Variants in NBAS observed in about 807,000 individuals in gnomAD.
NBAS encodes NAG/BC035112 fusion.
Under a neutral mutation model 302.5 loss-of-function variants are expected in NBAS, and 219 were observed. The observed-to-expected ratio is 0.72, with a 90% CI of 0.65 to 0.81. The LOEUF (loss-of-function observed/expected upper bound fraction) is 0.81. NBAS is among the 30% of genes least tolerant of loss of function. The pLI is 0.00. For synonymous variants in NBAS, 1,118 were observed against 1,021.6 expected (o/e 1.09, Z -1.80); for missense variants, 2,932 against 2,841.6 (o/e 1.03, Z -0.72).
chr2:15,252,122 T>C (rs1209215986), intron 44 of NBAS, among the ~76,000 whole-genome samples: 2 of 152,214 alleles, frequency 1.3e-5, no homozygotes, highest in African/African-American at 2.4e-5. Flanking sequence ...ATGGCTTGAT[T>C]CATAATTCAC....
chr2:15,323,309 C>T (rs1283234682), intron 38 of NBAS, among the ~76,000 whole-genome samples: 3 of 152,110 alleles, frequency 2.0e-5, no homozygotes, highest in African/African-American at 7.2e-5. Flanking sequence ...AAAATCCTCA[C>T]AGCTTTGAGG....
chr2:15,034,108 A>AAGAAGG, the NBAS span, among the ~76,000 whole-genome samples: 2 of 145,478 alleles, frequency 1.4e-5, no homozygotes, highest in African/African-American at 5.1e-5. Flanking sequence ...GGAGAAGGAG[A>AAGAAGG]AGAAGGAGAA....
chr2:14,864,775 C>T, the NBAS span, among the ~76,000 whole-genome samples: 8 of 152,002 alleles, frequency 5.3e-5, no homozygotes, highest in African/African-American at 1.9e-4. Flanking sequence ...AGCATCTGTA[C>T]AAAAGGGATA....
chr2:14,896,199 G>T, the NBAS span, among the ~76,000 whole-genome samples: 1 of 151,838 alleles, frequency 6.6e-6, no homozygotes, highest in East Asian at 1.9e-4. Flanking sequence ...TTTCCAGGGA[G>T]GCTCTTTAAC....
the NBAS span, among the ~76,000 whole-genome samples, chr2:14,793,458 G>A: frequency 6.6e-6 from 1 of 152,088 alleles, no homozygotes; most frequent in African/African-American, 2.4e-5. Flanking sequence ...GACAGAGTAT[G>A]ATAGATTCAG....
At chr2:15,024,081 G>A in the NBAS span, among the ~76,000 whole-genome samples, 1 of 152,014 alleles carries the variant, frequency 6.6e-6, no homozygotes, top group Non-Finnish European at 1.5e-5. Context: ...GATAGTCATA[G>A]TACCCAAGGG....
Position 15,218,707 on chromosome 2 carries a change from C to T in NBAS, c.6432+66G>A, listed in dbSNP as rs111581874. 3.5e-3 allele frequency: 5,654 copies of T among 1,604,516 alleles called. 120 individuals carry two copies. The African/African-American group carries it at 0.056, about 16-fold the overall frequency. Reference sequence around the variant, plus strand: ...CCTCCCACAATGCTGGGATTACAGGCGTGAGCAACCGCGTCCGGCCTAATT... The same window carrying T: ...CCTCCCACAATGCTGGGATTACAGGTGTGAGCAACCGCGTCCGGCCTAATT... On this transcript the variant is annotated intron_variant, in intron 48 of 51. Transcript: ENST00000281513.
At chr2:15,538,089 T>C (rs555489641) in intron 7 of NBAS, among the ~76,000 whole-genome samples, 195 of 152,368 alleles carry the variant, frequency 1.3e-3, no homozygotes, top group African/African-American at 4.4e-3. Flanking sequence ...TGATTACATG[T>C]TGAAATAATA....
the NBAS span, among the ~76,000 whole-genome samples, chr2:15,007,991 A>G: frequency 6.6e-6 from 1 of 152,256 alleles, no homozygotes; most frequent in Non-Finnish European, 1.5e-5. Flanking sequence ...ACAAAATAAC[A>G]TGACATAATT....
intron 27 of NBAS, 30 bp downstream of exon 27, chr2:15,396,383 G>GA: frequency 6.5e-7 from 1 of 1,539,564 alleles, no homozygotes; most frequent in African/African-American, 1.4e-5. Flanking sequence ...AATAAGCATG[G>GA]AGAAAAAAAA....
At chr2:15,549,588 C>A (rs1231381177) in intron 6 of NBAS, among the ~76,000 whole-genome samples, 1 of 151,904 alleles carries the variant, frequency 6.6e-6, no homozygotes, top group Non-Finnish European at 1.5e-5. Flanking sequence ...ATTAGCTGGG[C>A]ATGGTGACAC....
the NBAS span, among the ~76,000 whole-genome samples, chr2:14,995,323 T>C: frequency 6.6e-6 from 1 of 152,206 alleles, no homozygotes; most frequent in Non-Finnish European, 1.5e-5. Context: ...TGGTTTTTTG[T>C]CCTTGCGATA....
At chr2:15,034,021 GAAGAA>G in the NBAS span, among the ~76,000 whole-genome samples, 1,278 of 47,642 alleles carry the variant, frequency 0.027, 39 homozygotes, top group African/African-American at 0.07. Context: ...AGAAGAAGAA[GAAGAA>G]GAGGAGGAGG....
chr2:14,909,366 T>TAAAAAAAATAAAAAAA, the NBAS span, among the ~76,000 whole-genome samples: 1 of 78,582 alleles, frequency 1.3e-5, no homozygotes, highest in African/African-American at 5.5e-5. Context: ...GGAGAGTTTC[T>TAAAAAAAATAAAAAAA]AAAAAAAAAA....
chr2:15,134,058 C>CTCTCTCTCTG, the NBAS span, among the ~76,000 whole-genome samples: 1 of 40,444 alleles, frequency 2.5e-5, no homozygotes, highest in Non-Finnish European at 4.2e-5. Flanking sequence ...ACATTTCTTT[C>CTCTCTCTCTG]TCTCTCTCTC....
chr2:15,361,854 CCT>C, intron 32 of NBAS, among the ~76,000 whole-genome samples: 1 of 152,090 alleles, frequency 6.6e-6, no homozygotes, highest in African/African-American at 2.4e-5. Flanking sequence ...GTGGCACATG[CCT>C]GTAATCCCAG....
the NBAS span, among the ~76,000 whole-genome samples, chr2:14,850,978 G>A: frequency 3.0e-5 from 4 of 134,130 alleles, no homozygotes; most frequent in Admixed American, 2.1e-4. Context: ...GAGAAAGCAG[G>A]AAAGATCCAA....
chr2:15,021,877 T>G, the NBAS span, among the ~76,000 whole-genome samples: 1 of 152,132 alleles, frequency 6.6e-6, no homozygotes, highest in Non-Finnish European at 1.5e-5. Context: ...TGGGTCTAAG[T>G]CTCGGTTTAG....
Position 15,539,263 on chromosome 2 carries a change from A to G in NBAS, c.473T>C (p.Val158Ala). 2 of 1,614,154 alleles carry G rather than the reference A, an allele frequency of 1.2e-6. No homozygotes were observed. Among genetic ancestry groups the G allele is most frequent in the African/African-American group, 2.7e-5 (2 of 75,040 alleles). Residue 158 changes from valine to alanine, a missense_variant, in exon 7 of 52, where the codon GTG becomes GCG. Coordinates refer to ENST00000281513, the MANE Select transcript of NBAS (RefSeq NM_015909.4). ...AYAESTGTVR[V>A]FDLMGSELFV... ...GAGTTCACTTCCCATGAGATCAAAC[A>G]CCCTCACAGTTCCTGTGCTTTCGGC... is the stretch of plus-strand genomic sequence containing the variant.
Sources: allele counts gnomAD v4.1 joint callset (sites outside exome capture counted in the v4.1 genomes callset), GRCh38; gene constraint gnomAD v4.1.1; transcripts MANE v1.5; gene names NCBI Gene and HGNC (gene_info 2026-07-23, HGNC 2026-07-21).